Variants in NETO1 observed in about 807,000 individuals in gnomAD.
The protein encoded by NETO1 is neuropilin and tolloid-like protein 1.
NETO1 carries 26 observed loss-of-function variants against 61.3 expected under a neutral mutation model. The ratio of observed to expected loss-of-function variants is 0.42; its 90% confidence interval spans 0.31 to 0.59. NETO1 has a LOEUF of 0.59. NETO1 is among the 20% of genes least tolerant of loss of function. The pLI, the probability that NETO1 is intolerant of heterozygous loss-of-function variation, is 0.12. For missense variants in NETO1, 531 were observed against 662.8 expected (o/e 0.80, Z 2.18); for synonymous variants, 225 against 225.8 (o/e 1.00, Z 0.03).
Position 72,765,878 on chromosome 18 carries a change from T to C in NETO1, c.869-9731A>G, listed in dbSNP as rs768504194. Reference sequence around the variant, plus strand: ...TCAATTATGAGTAATCAACTGAAGATGCAAATTTTTAAAAACTTCAAAAAT... The same window carrying C: ...TCAATTATGAGTAATCAACTGAAGACGCAAATTTTTAAAAACTTCAAAAAT... On this transcript the variant is annotated intron_variant, in intron 7 of 10. Transcript: ENST00000327305. 3.2e-4 allele frequency among the ~76,000 whole-genome samples: 49 copies of C among 152,182 alleles called. 1 individual carries two copies. Among genetic ancestry groups the C allele is most frequent in the Non-Finnish European group, 5.3e-4 (36 of 68,020 alleles).
chr18:72,833,741 G>A (rs757091693), intron 4 of NETO1, among the ~76,000 whole-genome samples: 5 of 152,194 alleles, frequency 3.3e-5, no homozygotes, highest in Middle Eastern at 3.4e-3. Context: ...GCATATATCC[G>A]CTGACTTTCA....
At chr18:72,857,153 G>C (rs2074432898) in intron 4 of NETO1, among the ~76,000 whole-genome samples, 1 of 152,166 alleles carries the variant, frequency 6.6e-6, no homozygotes, top group Non-Finnish European at 1.5e-5. Context: ...GGTTTCCCCA[G>C]AAGTTTTGCT....
At chr18:72,824,372 T>G (rs79122510) in intron 4 of NETO1, among the ~76,000 whole-genome samples, 2 of 152,196 alleles carry the variant, frequency 1.3e-5, no homozygotes, top group Non-Finnish European at 2.9e-5. Flanking sequence ...TGAGCCTCTA[T>G]CTTAGAATTA....
At chr18:72,759,425 T>A (rs1420795546) in intron 7 of NETO1, among the ~76,000 whole-genome samples, 1 of 152,216 alleles carries the variant, frequency 6.6e-6, no homozygotes, top group East Asian at 1.9e-4. Flanking sequence ...TTTTAAAAAT[T>A]AATGTTTATG....
At chr18:72,797,502 G>C (rs2072357825) in intron 4 of NETO1, among the ~76,000 whole-genome samples, 1 of 152,134 alleles carries the variant, frequency 6.6e-6, no homozygotes, top group Non-Finnish European at 1.5e-5. Context: ...AGATTATAAA[G>C]ATTGATTGGC....
chr18:72,823,053 C>T (rs1440790226), intron 4 of NETO1, among the ~76,000 whole-genome samples: 7 of 152,150 alleles, frequency 4.6e-5, no homozygotes, highest in Non-Finnish European at 7.4e-5. Flanking sequence ...GCTTACATTA[C>T]TTTTACAAGA....
intron 4 of NETO1, among the ~76,000 whole-genome samples, chr18:72,805,914 A>C (rs1042632641): frequency 6.6e-6 from 1 of 152,210 alleles, no homozygotes; most frequent in Admixed American, 6.5e-5. Flanking sequence ...AATATGTTCA[A>C]AATGTTTCAA....
chr18:72,769,394 C>T (rs372843312), intron 7 of NETO1, among the ~76,000 whole-genome samples: 3 of 152,212 alleles, frequency 2.0e-5, no homozygotes, highest in African/African-American at 7.2e-5. Flanking sequence ...CAGTATATGG[C>T]AATGTGATAT....
At chr18:72,792,716 C>T (rs992490419) in intron 6 of NETO1, among the ~76,000 whole-genome samples, 10 of 151,898 alleles carry the variant, frequency 6.6e-5, no homozygotes, top group Admixed American at 2.0e-4. Flanking sequence ...TGAAGCACTC[C>T]GGGTGAAGGC....
chr18:72,763,330 T>A (rs966050727), intron 7 of NETO1, among the ~76,000 whole-genome samples: 5 of 152,146 alleles, frequency 3.3e-5, no homozygotes, highest in African/African-American at 9.7e-5. Context: ...AACGAAGTGA[T>A]CCTTGATCAT....
At chr18:72,835,414 T>C (rs561587571) in intron 4 of NETO1, 94 of 992,502 alleles carry the variant, frequency 9.5e-5, no homozygotes, top group Non-Finnish European at 1.3e-4. Flanking sequence ...GTTTGGGTAA[T>C]ACAGGAGGAG....
chr18:72,821,376 C>T (rs958800520), intron 4 of NETO1, among the ~76,000 whole-genome samples: 2 of 150,160 alleles, frequency 1.3e-5, no homozygotes, highest in African/African-American at 4.9e-5. Flanking sequence ...AACCCCATCT[C>T]TACTAAAACA....
intron 1 of NETO1, 129 bp from the exon 2 acceptor site, chr18:72,865,370 C>A: frequency 8.9e-7 from 1 of 1,123,372 alleles, no homozygotes; most frequent in South Asian, 1.5e-5. Flanking sequence ...TGTTAGAAGT[C>A]GATTCAGAAC....
intron 4 of NETO1, among the ~76,000 whole-genome samples, chr18:72,808,344 C>T (rs1002560497): frequency 8.6e-5 from 13 of 151,466 alleles, no homozygotes; most frequent in African/African-American, 2.7e-4. Context: ...GGCTTACAAG[C>T]GTGACATAGG....
At chr18:72,829,954 G>A (rs2073519268) in intron 4 of NETO1, among the ~76,000 whole-genome samples, 1 of 152,142 alleles carries the variant, frequency 6.6e-6, no homozygotes. Context: ...TATTCGCAGT[G>A]TATCCACAGA....
At chr18:72,800,152 G>T (rs535652269) in intron 4 of NETO1, among the ~76,000 whole-genome samples, 1 of 152,318 alleles carries the variant, frequency 6.6e-6, no homozygotes, top group Admixed American at 6.5e-5. Flanking sequence ...ACCAAAGAAG[G>T]CCCCGGAACT....
intron 4 of NETO1, among the ~76,000 whole-genome samples, chr18:72,851,480 T>C (rs1287000352): frequency 6.6e-6 from 1 of 152,022 alleles, no homozygotes. Flanking sequence ...AAACTAAAGT[T>C]TTCCCCTTGA....
intron 3 of NETO1, among the ~76,000 whole-genome samples, chr18:72,861,223 C>T (rs2145662605): frequency 6.6e-6 from 1 of 152,290 alleles, no homozygotes. Context: ...TTTTGGTAGG[C>T]AACATTGTAT....
chr18:72,867,419 G>A lies in NETO1; in HGVS notation c.-128C>T, dbSNP rs1052272779. 30 of 571,562 alleles carry A rather than the reference G, an allele frequency of 5.2e-5. No homozygotes were observed. The highest frequency in any genetic ancestry group is 7.7e-5 in the Non-Finnish European group (27 of 350,012). 35.4% of individuals were successfully genotyped at this position (571,562 alleles called of 1,614,324 possible). A position where few individuals can be genotyped will look rare whatever the true frequency, so the allele number is the denominator to read the frequency against. ...GCAAAGCAAGAAGGAAATAAAGGGG[G>A]GCCGAGAGGGAGACCGAGAGGAAGG... On this transcript the variant is annotated 5_prime_UTR_variant, in exon 1 of 11. Coordinates refer to ENST00000327305, the MANE Select transcript of NETO1 (RefSeq NM_138966.5).
Sources: allele counts gnomAD v4.1 joint callset (sites outside exome capture counted in the v4.1 genomes callset), GRCh38; gene constraint gnomAD v4.1.1; transcripts MANE v1.5; gene names NCBI Gene and HGNC (gene_info 2026-07-23, HGNC 2026-07-21).